LRP1B: variants seen among roughly 807,000 people sequenced by gnomAD.
The protein encoded by LRP1B is low-density lipoprotein receptor-related protein 1B.
A neutral mutation model predicts 556.6 loss-of-function variants in LRP1B; 217 were observed. The observed-to-expected ratio is 0.39, with a 90% CI of 0.35 to 0.44. The LOEUF (loss-of-function observed/expected upper bound fraction) is 0.44, where lower values mean the gene tolerates loss of function less well. Ranked by LOEUF, LRP1B falls within the 20% of genes least tolerant of loss-of-function variation. The pLI is 1.00. For missense variants in LRP1B, 5,053 were observed against 5,620.8 expected, an observed-to-expected ratio of 0.90 and a Z score of 3.23; for synonymous variants, 2,047 against 1,865.8, an observed-to-expected ratio of 1.10 and a Z score of -2.50.
intron 1 of LRP1B, among the ~76,000 whole-genome samples, chr2:141,868,048 T>G (rs1698471075): frequency 6.6e-6 from 1 of 152,164 alleles, no homozygotes; most frequent in Non-Finnish European, 1.5e-5. Context: ...TTCCTAGGCT[T>G]GTGAATCACC....
intron 2 of LRP1B, among the ~76,000 whole-genome samples, chr2:141,512,055 G>T (rs1315032362): frequency 1.3e-5 from 2 of 152,116 alleles, no homozygotes; most frequent in Non-Finnish European, 2.9e-5. Context: ...TGCAAAAGAT[G>T]CACAATTTCC....
intron 3 of LRP1B, among the ~76,000 whole-genome samples, chr2:141,295,746 A>AAC (rs376812743): frequency 0.021 from 2,802 of 130,566 alleles, 40 homozygotes; most frequent in African/African-American, 0.037. Flanking sequence ...TGAGGAGAGA[A>AAC]ACACACACAC....
intron 18 of LRP1B, among the ~76,000 whole-genome samples, chr2:140,954,793 G>A (rs1338607323): frequency 6.6e-6 from 1 of 151,892 alleles, no homozygotes; most frequent in Non-Finnish European, 1.5e-5. Flanking sequence ...TATATCATAT[G>A]TGATTAATTT....
intron 31 of LRP1B, among the ~76,000 whole-genome samples, chr2:140,835,221 TA>T (rs1419592100): frequency 1.3e-5 from 2 of 152,184 alleles, no homozygotes; most frequent in African/African-American, 4.8e-5. Flanking sequence ...GTTAGTGAAG[TA>T]AAACACAGAC....
intron 10 of LRP1B, among the ~76,000 whole-genome samples, chr2:141,053,680 C>G (rs1238752715): frequency 6.6e-6 from 1 of 151,938 alleles, no homozygotes; most frequent in Non-Finnish European, 1.5e-5. Context: ...TCTCTTGTTG[C>G]TTCAAATAGC....
At chr2:141,541,482 G>A (rs1010599941) in intron 2 of LRP1B, among the ~76,000 whole-genome samples, 2 of 151,984 alleles carry the variant, frequency 1.3e-5, no homozygotes, top group Non-Finnish European at 2.9e-5. Flanking sequence ...TGTCCAGCGT[G>A]TTCATGAAGT....
At chr2:141,064,399 A>G (rs1386309293) in intron 7 of LRP1B, among the ~76,000 whole-genome samples, 2 of 151,890 alleles carry the variant, frequency 1.3e-5, no homozygotes, top group Non-Finnish European at 2.9e-5. Flanking sequence ...GAAATTTTTC[A>G]TTCTTTTTGA....
intron 1 of LRP1B, among the ~76,000 whole-genome samples, chr2:141,930,974 T>C (rs967315822): frequency 6.6e-6 from 1 of 152,056 alleles, no homozygotes; most frequent in Non-Finnish European, 1.5e-5. Context: ...TCATGCTCTT[T>C]CACAGCTCTG....
intron 1 of LRP1B, among the ~76,000 whole-genome samples, chr2:141,839,718 T>C (rs1697401460): frequency 6.6e-6 from 1 of 152,100 alleles, no homozygotes. Flanking sequence ...GAAAGAGAAA[T>C]GAACCTGAAT....
Position 140,770,851 on chromosome 2 carries a change from C to T in LRP1B, c.5626+30G>A, listed in dbSNP as rs766688189. 3 of 1,511,950 alleles carry T rather than the reference C, an allele frequency of 2.0e-6. No homozygotes were observed. In the South Asian group the frequency reaches 4.1e-5, roughly 21 times the overall value. 93.7% of individuals were successfully genotyped at this position (1,511,950 alleles called of 1,614,324 possible). ...TGTAATGATTAGTGAAGTAAATGAA[C>T]CAGAGGTAAGGTTTTTCATGAACTC... On this transcript the variant is annotated intron_variant, in intron 34 of 90. Transcript: ENST00000389484.
chr2:140,479,727 T>A (rs1198724569), intron 59 of LRP1B, among the ~76,000 whole-genome samples: 1 of 152,200 alleles, frequency 6.6e-6, no homozygotes, highest in African/African-American at 2.4e-5. Context: ...TTTGCCTGAA[T>A]ATGAGGATAC....
chr2:140,397,924 A>G (rs552247661), intron 66 of LRP1B, among the ~76,000 whole-genome samples: 20 of 152,312 alleles, frequency 1.3e-4, no homozygotes, highest in South Asian at 6.2e-4. Flanking sequence ...ATGCTTGCAT[A>G]GGTGTTAAAA....
At chr2:141,666,189 T>C (rs1690425364) in intron 2 of LRP1B, among the ~76,000 whole-genome samples, 1 of 152,152 alleles carries the variant, frequency 6.6e-6, no homozygotes, top group South Asian at 2.1e-4. Context: ...GAGGAGACAA[T>C]TGGTGTCCAA....
intron 3 of LRP1B, among the ~76,000 whole-genome samples, chr2:141,473,252 T>C (rs1372975407): frequency 9.9e-5 from 15 of 152,214 alleles, no homozygotes; most frequent in Non-Finnish European, 2.1e-4. Context: ...TGTGCAAATA[T>C]GCATGTGTAT....
intron 47 of LRP1B, among the ~76,000 whole-genome samples, chr2:140,528,718 G>A (rs1246661009): frequency 6.6e-6 from 1 of 151,864 alleles, no homozygotes; most frequent in East Asian, 1.9e-4. Context: ...TAGGAGCAAG[G>A]TGACTGTGGG....
intron 1 of LRP1B, among the ~76,000 whole-genome samples, chr2:141,934,341 A>G (rs1013178532): frequency 7.2e-5 from 11 of 152,164 alleles, no homozygotes; most frequent in South Asian, 2.1e-4. Flanking sequence ...GTATTAAAAG[A>G]AATGTTTTAA....
At position 140,383,063 on chromosome 2, in the gene LRP1B, C is replaced by T. The variant is rs545050545; in HGVS notation, c.10531+2830G>A. Among the ~76,000 whole-genome samples the T allele has an allele frequency of 1.2e-4, 18 of 152,156 alleles. 1 individual carries two copies. The South Asian group carries it at 3.7e-3, about 32-fold the overall frequency. ...ATGTTTGTGTAAGTACACTTGATGT[C>T]GTTCACACAATGACAAAATTGCCTA... is the stretch of plus-strand genomic sequence containing the variant. On this transcript the variant is annotated intron_variant, in intron 67 of 90. Coordinates refer to ENST00000389484, the MANE Select transcript of LRP1B (RefSeq NM_018557.3).
intron 18 of LRP1B, among the ~76,000 whole-genome samples, chr2:140,976,217 C>A (rs994701681): frequency 3.3e-5 from 5 of 151,744 alleles, no homozygotes; most frequent in African/African-American, 1.2e-4. Flanking sequence ...ACCATGCCCG[C>A]CTACTCTTCT....
chr2:142,129,773 T>C (rs1707784098), intron 1 of LRP1B, among the ~76,000 whole-genome samples: 1 of 152,282 alleles, frequency 6.6e-6, no homozygotes, highest in Non-Finnish European at 1.5e-5. Context: ...TCATCTAGTA[T>C]TTTCCTCCCT....
Sources: gnomAD v4.1 joint callset for allele counts (sites outside exome capture counted in the v4.1 genomes callset) on GRCh38, gnomAD v4.1.1 for gene constraint, MANE v1.5 for transcripts, NCBI Gene and HGNC (gene_info 2026-07-23, HGNC 2026-07-21) for gene names.